Variants in ERBIN observed in about 807,000 individuals in gnomAD.
ERBIN encodes erbb2 interacting protein.
In ERBIN, 60 loss-of-function variants were observed where a neutral mutation model predicts 158.4. That is an observed-to-expected ratio of 0.38 (90% CI 0.31 to 0.47). The LOEUF (loss-of-function observed/expected upper bound fraction) is 0.47, where lower values mean the gene tolerates loss of function less well. Among genes scored for constraint, ERBIN ranks in the 20% least tolerant of loss-of-function variants. The probability of loss-of-function intolerance (pLI) is 0.99; values close to 1 mark genes in which losing one functional copy is unlikely to be tolerated. For synonymous variants in ERBIN, 594 were observed against 557.2 expected (o/e 1.07, Z -0.93); for missense variants, 1,610 against 1,648.0 (o/e 0.98, Z 0.40).
chr5:66,054,322 C>T lies in ERBIN; in HGVS notation c.3004C>T (p.His1002Tyr). 1 of 1,614,142 alleles carries T rather than the reference C, an allele frequency of 6.2e-7. No individual in the cohort carries two copies. Among genetic ancestry groups the T allele is most frequent in the Non-Finnish European group, 8.5e-7 (1 of 1,180,020 alleles). The change falls in exon 21 of 26, where the codon CAT (histidine) becomes TAT (tyrosine). Residue 1002 changes from histidine (H) to tyrosine (Y), a missense_variant. Physicochemically the swap from His to Tyr is moderately conservative, Grantham distance 83. Around this residue, in one of 2 missense-constraint regions of ERBIN, gnomAD observed 1,014 missense variants for 936.1 expected, o/e 1.08. Coordinates refer to ENST00000284037, the MANE Select transcript of ERBIN (RefSeq NM_001253697.2). ...WHSKQNPQID[H>Y]ASFPPQLLPR... ...CTCCAAACAAAATCCCCAAATAGAC[C>T]ATGCCAGTTTTCCTCCTCAGCTCCT...
rs1758949020 is a variant in ERBIN at position 66,050,868 on chromosome 5, G to T, written c.1989G>T (p.Arg663=). The T allele has an allele frequency of 5.0e-6, 8 of 1,603,054 alleles. No homozygotes were observed. In the African/African-American group the frequency reaches 6.8e-5, roughly 14 times the overall value. ...ACAGCAATTGTTCTTCTCCATCTCG[G>T]ATGTCTGATTCAGTTTCTCTTAATA... ...QNNSNCSSPS[R]MSDSVSLNTD... Residue 663 remains arginine (R), a synonymous_variant, in exon 20 of 26, where the codon CGG becomes CGT. Coordinates refer to ENST00000284037, the MANE Select transcript of ERBIN (RefSeq NM_001253697.2).
chr5:66,064,668 G>C (rs1760805496), intron 21 of ERBIN, among the ~76,000 whole-genome samples: 1 of 152,162 alleles, frequency 6.6e-6, no homozygotes, highest in Non-Finnish European at 1.5e-5. Context: ...GAATTGATAA[G>C]AAGTAGCTTA....
Position 66,043,181 on chromosome 5 carries a change from A to C in ERBIN, c.1411A>C (p.Arg471=). The change falls in exon 16 of 26, where the codon AGG becomes CGG. Residue 471 remains arginine (R), a synonymous_variant. Transcript: ENST00000284037. ...TGAATGTGATGAAGACAAAGATGAA[A>C]GGGAGGCACCTCCCAGGGTGAGTCT... ...AFECDEDKDE[R]EAPPREGNLK... is the part of the protein sequence containing the mutation. The C allele has an allele frequency of 6.2e-7, 1 of 1,613,350 alleles. No homozygotes were observed. The highest frequency in any genetic ancestry group is 1.3e-5 in the African/African-American group (1 of 75,028).
chr5:66,079,999 A>G lies in ERBIN; in HGVS notation c.*1469A>G, dbSNP rs898973264. ...GGACCAGAAAAAAGTGCCATAGAAG[A>G]CCAATAACTGTTTAGTTGAGGCTAG... On this transcript the variant is annotated 3_prime_UTR_variant, in exon 26 of 26. Coordinates refer to ENST00000284037, the MANE Select transcript of ERBIN (RefSeq NM_001253697.2). 6 of 152,320 alleles carry G rather than the reference A, an allele frequency of 3.9e-5. No homozygotes were observed. The highest frequency in any genetic ancestry group is 3.4e-3 in the Middle Eastern group (1 of 292). 9.4% of individuals were successfully genotyped at this position (152,320 alleles called of 1,614,324 possible). A position where few individuals can be genotyped will look rare whatever the true frequency, so the allele number is the denominator to read the frequency against.
At chr5:65,940,240 C>G (rs1236916197) in intron 1 of ERBIN, among the ~76,000 whole-genome samples, 2 of 151,280 alleles carry the variant, frequency 1.3e-5, no homozygotes, top group Non-Finnish European at 3.0e-5. Context: ...CCGGCCGTGA[C>G]CCCGTCTGGG....
At chr5:66,016,361 A>G (rs1754714083) in intron 7 of ERBIN, among the ~76,000 whole-genome samples, 2 of 152,194 alleles carry the variant, frequency 1.3e-5, no homozygotes, top group African/African-American at 4.8e-5. Context: ...AACTGATTTT[A>G]ACACCTTTTA....
intron 1 of ERBIN, among the ~76,000 whole-genome samples, chr5:65,928,166 ACAT>A (rs1459696287): frequency 6.6e-6 from 1 of 152,086 alleles, no homozygotes; most frequent in African/African-American, 2.4e-5. Context: ...TTCATTAAGT[ACAT>A]CTCCAAAGGC....
intron 22 of ERBIN, among the ~76,000 whole-genome samples, chr5:66,073,258 G>A (rs975418898): frequency 1.3e-5 from 2 of 152,166 alleles, no homozygotes; most frequent in East Asian, 3.8e-4. Context: ...GAATTTGCAT[G>A]TAGGAATAAA....
At position 66,024,856 on chromosome 5, in the gene ERBIN, GAT is replaced by G. The variant is rs1363378503; in HGVS notation, c.817+409_817+410del. ...GAGTCTGTGTAGTTGCTTGTTCAAT[GAT>G]ATGTCAATGGAATTGAATTATTTTG... On this transcript the variant is annotated intron_variant, in intron 10 of 25. Coordinates refer to ENST00000284037, the MANE Select transcript of ERBIN (RefSeq NM_001253697.2). Among the ~76,000 whole-genome samples the G allele has an allele frequency of 3.9e-5, 6 of 152,040 alleles. No homozygotes were observed. In the East Asian group the frequency reaches 1.2e-3, roughly 29 times the overall value.
chr5:66,022,036 C>T (rs1008556701), intron 8 of ERBIN, among the ~76,000 whole-genome samples: 1 of 151,246 alleles, frequency 6.6e-6, no homozygotes, highest in African/African-American at 2.4e-5. Flanking sequence ...AATTAGTTTA[C>T]AAGTTTGTTG....
intron 7 of ERBIN, among the ~76,000 whole-genome samples, chr5:66,016,880 G>T (rs1754798671): frequency 6.6e-6 from 1 of 152,028 alleles, no homozygotes; most frequent in East Asian, 1.9e-4. Flanking sequence ...TTCCCAGAGT[G>T]CTGGGATTAC....
intron 14 of ERBIN, among the ~76,000 whole-genome samples, chr5:66,035,131 G>C (rs1476910808): frequency 6.6e-6 from 1 of 152,128 alleles, no homozygotes; most frequent in Non-Finnish European, 1.5e-5. Flanking sequence ...ACATGTTTGT[G>C]CTTCTCATGG....
intron 21 of ERBIN, among the ~76,000 whole-genome samples, chr5:66,062,161 C>T (rs1338839176): frequency 1.1e-4 from 17 of 152,288 alleles, no homozygotes; most frequent in South Asian, 8.3e-4. Flanking sequence ...CCATTCTCCC[C>T]GTCACTTTCA....
At chr5:66,023,556 A>G (rs1755918689) in intron 9 of ERBIN, among the ~76,000 whole-genome samples, 192 bp downstream of exon 9, 2 of 152,026 alleles carry the variant, frequency 1.3e-5, no homozygotes, top group African/African-American at 2.4e-5. Context: ...AAACATTTGT[A>G]TGTCTCCTTT....
At chr5:66,056,793 T>C (rs1206651197) in intron 21 of ERBIN, among the ~76,000 whole-genome samples, 1 of 152,142 alleles carries the variant, frequency 6.6e-6, no homozygotes, top group Non-Finnish European at 1.5e-5. Flanking sequence ...TGTTCTCTCA[T>C]CATTTGCTTG....
chr5:66,051,218 T>G (rs1758988031), intron 20 of ERBIN, among the ~76,000 whole-genome samples: 1 of 152,204 alleles, frequency 6.6e-6, no homozygotes. Context: ...TTTATATATT[T>G]TTAGATATGG....
At chr5:66,018,473 T>A (rs1301120776) in intron 7 of ERBIN, among the ~76,000 whole-genome samples, 18 of 5,052 alleles carry the variant, frequency 3.6e-3, no homozygotes, top group Non-Finnish European at 5.5e-3. Context: ...ATAATATATA[T>A]TATATATTAT....
intron 10 of ERBIN, among the ~76,000 whole-genome samples, chr5:66,024,752 C>CT (rs1283313698): frequency 2.4e-4 from 37 of 151,946 alleles, no homozygotes; most frequent in African/African-American, 8.7e-4. Flanking sequence ...ATTTTGGTAA[C>CT]TTTTTTCAGT....
intron 17 of ERBIN, among the ~76,000 whole-genome samples, chr5:66,044,849 G>A (rs1346568882): frequency 1.3e-5 from 2 of 151,902 alleles, no homozygotes; most frequent in Admixed American, 6.6e-5. Context: ...GGCCGAGGTG[G>A]GATGGTCACT....
Sources: gnomAD v4.1 joint callset for allele counts (sites outside exome capture counted in the v4.1 genomes callset) on GRCh38, gnomAD v4.1.1 for gene constraint, gnomAD v4.1.1 regional missense constraint, MANE v1.5 for transcripts, NCBI Gene and HGNC (gene_info 2026-07-23, HGNC 2026-07-21) for gene names.